JPH3: variants seen among roughly 807,000 people sequenced by gnomAD.
JPH3 encodes the protein junctophilin 3, also known as junctophilin-3.
A neutral mutation model predicts 59.6 loss-of-function variants in JPH3; 11 were observed. The ratio of observed to expected loss-of-function variants is 0.18; its 90% CI spans 0.12 to 0.31. The LOEUF (loss-of-function observed/expected upper bound fraction) is 0.31, where lower values mean the gene tolerates loss of function less well. JPH3 is among the 10% of genes least tolerant of loss of function. The pLI is 1.00. For synonymous variants in JPH3, 673 were observed against 483.6 expected, an observed-to-expected ratio of 1.39 and a Z score of -5.14; for missense variants, 1,202 against 1,105.7, an observed-to-expected ratio of 1.09 and a Z score of -1.24.
chr16:87,629,544 G>A (rs1051972533), intron 1 of JPH3, among the ~76,000 whole-genome samples: 5 of 152,092 alleles, frequency 3.3e-5, no homozygotes, highest in Admixed American at 6.5e-5. Context: ...GTGACGACGC[G>A]GAGCAGCCTT....
intron 1 of JPH3, among the ~76,000 whole-genome samples, chr16:87,608,146 G>C (rs1261087105): frequency 6.6e-6 from 1 of 152,222 alleles, no homozygotes; most frequent in African/African-American, 2.4e-5. Flanking sequence ...AGCTGACACA[G>C]AGAAGGAGAG....
chr16:87,664,923 C>T (rs1339049621), intron 2 of JPH3, among the ~76,000 whole-genome samples: 1 of 152,226 alleles, frequency 6.6e-6, no homozygotes, highest in African/African-American at 2.4e-5. Flanking sequence ...GTGAACCTGG[C>T]CCCTGCCCAG....
intron 1 of JPH3, among the ~76,000 whole-genome samples, chr16:87,642,208 G>C (rs918830434): frequency 6.6e-6 from 1 of 151,726 alleles, no homozygotes; most frequent in Non-Finnish European, 1.5e-5. Context: ...CCACCCTCTG[G>C]TGTGGGGCGT....
At chr16:87,664,279 C>T (rs1339589492) in intron 2 of JPH3, among the ~76,000 whole-genome samples, 3 of 145,350 alleles carry the variant, frequency 2.1e-5, no homozygotes, top group African/African-American at 5.1e-5. Flanking sequence ...TGCAGTGAGC[C>T]GAGATTGCGC....
chr16:87,669,382 T>C (rs1357937503), intron 2 of JPH3, among the ~76,000 whole-genome samples: 1 of 152,226 alleles, frequency 6.6e-6, no homozygotes, highest in Non-Finnish European at 1.5e-5. Flanking sequence ...TGGCCATCTT[T>C]AGGCTAAAAG....
intron 1 of JPH3, among the ~76,000 whole-genome samples, chr16:87,626,274 C>T (rs1005436256): frequency 1.3e-5 from 2 of 152,158 alleles, no homozygotes; most frequent in Non-Finnish European, 2.9e-5. Flanking sequence ...ACTGAGGTTG[C>T]TTAACTACCC....
At position 87,681,993 on chromosome 16, in the gene JPH3, G is replaced by A. The variant is rs577645141; in HGVS notation, c.1161-2149G>A. Among the ~76,000 whole-genome samples, 90 of 152,212 alleles carry A rather than the reference G, an allele frequency of 5.9e-4. 1 individual carries two copies. The South Asian group carries it at 0.011, about 19-fold the overall frequency. Reference sequence around the variant, plus strand: ...GCTGTGGACCCTCTGCTTGTGGCGGGGGGTCATGCAGAAAACTTTGAGTAC... The same window carrying A: ...GCTGTGGACCCTCTGCTTGTGGCGGAGGGTCATGCAGAAAACTTTGAGTAC... On this transcript the variant is annotated intron_variant, in intron 2 of 4. Transcript: ENST00000284262.
intron 1 of JPH3, among the ~76,000 whole-genome samples, chr16:87,606,427 C>T (rs2030523828): frequency 6.6e-6 from 1 of 152,228 alleles, no homozygotes; most frequent in South Asian, 2.1e-4. Context: ...GGTGTGTCCT[C>T]CCCTTAGGGT....
intron 2 of JPH3, among the ~76,000 whole-genome samples, chr16:87,675,200 T>C (rs1191227316): frequency 1.0e-5 from 1 of 98,628 alleles, no homozygotes; most frequent in East Asian, 3.2e-4. Flanking sequence ...CCCCCGCCGT[T>C]TCCCCGACTC....
chr16:87,664,881 A>T (rs1412107709), intron 2 of JPH3, among the ~76,000 whole-genome samples: 1 of 152,196 alleles, frequency 6.6e-6, no homozygotes, highest in Non-Finnish European at 1.5e-5. Context: ...AGGAAGCGTC[A>T]TGAGGACCCA....
upstream of JPH3, among the ~76,000 whole-genome samples, chr16:87,602,437 CGGGGGGCG>C (rs1356899571): frequency 0.071 from 144 of 2,020 alleles, 2 homozygotes; most frequent in African/African-American, 0.1. Context: ...GGGGCGGGGG[CGGGGGGCG>C]GGGGGCGGGG....
intron 1 of JPH3, among the ~76,000 whole-genome samples, chr16:87,635,012 C>T (rs1013084265): frequency 1.3e-5 from 2 of 152,178 alleles, no homozygotes; most frequent in African/African-American, 4.8e-5. Flanking sequence ...TGCATGGAGC[C>T]ATGGAAATGT....
intron 2 of JPH3, among the ~76,000 whole-genome samples, chr16:87,681,878 A>C (rs1023475777): frequency 1.3e-5 from 2 of 152,160 alleles, no homozygotes; most frequent in Non-Finnish European, 2.9e-5. Flanking sequence ...AGCATGGCTG[A>C]GCCTCGGATT....
chr16:87,643,074 C>A (rs1009759635), intron 1 of JPH3, among the ~76,000 whole-genome samples: 1 of 152,176 alleles, frequency 6.6e-6, no homozygotes, highest in African/African-American at 2.4e-5. Flanking sequence ...GCCCCTGCAC[C>A]CACCGCGCTT....
chr16:87,677,174 C>CTATATATA (rs59009330), intron 2 of JPH3, among the ~76,000 whole-genome samples: 1 of 119,106 alleles, frequency 8.4e-6, no homozygotes, highest in African/African-American at 3.6e-5. Flanking sequence ...CACACACGCA[C>CTATATATA]TATATATATA....
At chr16:87,607,061 T>C (rs1212263654) in intron 1 of JPH3, among the ~76,000 whole-genome samples, 1 of 152,164 alleles carries the variant, frequency 6.6e-6, no homozygotes, top group Non-Finnish European at 1.5e-5. Context: ...TAAATGCCCC[T>C]GTGCAAAAAC....
chr16:87,603,543 C>T lies in JPH3; in HGVS notation c.382+15C>T. The stretch of plus-strand genomic sequence containing the variant: ...CTCGGACGGAGGTAGGTGCCGCGGG[C>T]CGGGCCGGGCCGGGGCGGGAGGGAC... On this transcript the variant is annotated intron_variant, in intron 1 of 4. Coordinates refer to ENST00000284262, the MANE Select transcript of JPH3 (RefSeq NM_020655.4). 2.6e-6 allele frequency: 4 copies of T among 1,541,428 alleles called. No individual in the cohort carries two copies. Among genetic ancestry groups the T allele is most frequent in the African/African-American group, 1.4e-5 (1 of 72,856 alleles).
At chr16:87,667,637 T>G (rs1360455726) in intron 2 of JPH3, among the ~76,000 whole-genome samples, 2 of 152,166 alleles carry the variant, frequency 1.3e-5, no homozygotes, top group African/African-American at 4.8e-5. Context: ...CGGGGGGTCT[T>G]GGGCAACGTC....
chr16:87,621,745 C>G (rs560414770), intron 1 of JPH3, among the ~76,000 whole-genome samples: 15 of 152,278 alleles, frequency 9.9e-5, no homozygotes, highest in African/African-American at 3.6e-4. Context: ...GGGAAGAGCC[C>G]CACTAGGGTT....
Sources: allele counts gnomAD v4.1 joint callset (sites outside exome capture counted in the v4.1 genomes callset), GRCh38; gene constraint gnomAD v4.1.1; transcripts MANE v1.5; gene names NCBI Gene and HGNC (gene_info 2026-07-23, HGNC 2026-07-21).